Variants in TP53BP1 observed in about 807,000 individuals in gnomAD.
TP53BP1 encodes tumor protein p53 binding protein 1, also known as TP53-binding protein 1.
In TP53BP1, 61 loss-of-function variants were observed where a neutral mutation model predicts 200.8. The ratio of observed to expected loss-of-function variants is 0.30; its 90% confidence interval spans 0.25 to 0.38. The LOEUF (loss-of-function observed/expected upper bound fraction) is 0.38, where lower values mean the gene tolerates loss of function less well. Ranked by LOEUF, TP53BP1 falls within the 10% of genes least tolerant of loss-of-function variation. The pLI is 1.00. For missense variants in TP53BP1, 2,144 were observed against 2,371.9 expected (o/e 0.90, Z 2.00); for synonymous variants, 822 against 844.3 (o/e 0.97, Z 0.46).
chr15:43,504,677 A>T (rs896466772), intron 1 of TP53BP1, among the ~76,000 whole-genome samples: 1 of 152,232 alleles, frequency 6.6e-6, no homozygotes, highest in Non-Finnish European at 1.5e-5. Context: ...AAAATACAAG[A>T]ATGAGAAAAA....
intron 10 of TP53BP1, among the ~76,000 whole-genome samples, chr15:43,472,779 C>A (rs565939916): frequency 6.6e-6 from 1 of 152,118 alleles, no homozygotes; most frequent in South Asian, 2.1e-4. Context: ...TCCTTCAGAG[C>A]CTTTTTAAAA....
intron 19 of TP53BP1, 134 bp from the exon 20 acceptor site, chr15:43,421,308 C>A: frequency 1.2e-6 from 1 of 816,978 alleles, no homozygotes; most frequent in East Asian, 2.6e-5. Flanking sequence ...AGCTGGTTCA[C>A]ACACCCACCA....
rs1479225352 is a variant in TP53BP1, at chr15:43,421,158, T to G, written c.4117A>C (p.Ser1373Arg). The part of the protein sequence containing the change: ...PGKLSPRKGV[S>R]QTGTPVCEED... ...TCACACACTGGCGTCCCTGTCTGAC[T>G]GACCCCTTTTCTAGGACTAGAGAAT... is the stretch of plus-strand genomic sequence containing the variant. Residue 1373 changes from serine (S) to arginine (R), a missense_variant, in exon 20 of 28, where the codon AGT (serine) becomes CGT (arginine). Physicochemically the swap from Ser to Arg is moderately radical, Grantham distance 110 (BLOSUM62 -1). Coordinates refer to ENST00000382044, the MANE Select transcript of TP53BP1 (RefSeq NM_001141980.3). The G allele has an allele frequency of 6.2e-7, 1 of 1,614,104 alleles. No homozygotes were observed.
intron 10 of TP53BP1, among the ~76,000 whole-genome samples, chr15:43,472,125 G>A (rs2046740993): frequency 6.6e-6 from 1 of 152,220 alleles, no homozygotes; most frequent in Admixed American, 6.5e-5. Context: ...AGGCTCTGGA[G>A]GCAGCTGCCT....
At chr15:43,411,436 A>G (rs558977989) in intron 24 of TP53BP1, among the ~76,000 whole-genome samples, 1 of 152,368 alleles carries the variant, frequency 6.6e-6, no homozygotes, top group Admixed American at 6.5e-5. Flanking sequence ...TCATAAGATG[A>G]ATTTAAATAT....
intron 21 of TP53BP1, among the ~76,000 whole-genome samples, chr15:43,418,180 TAAAAA>T (rs757250428): frequency 3.0e-5 from 3 of 100,342 alleles, no homozygotes; most frequent in Admixed American, 2.2e-4. Flanking sequence ...GCTCTGTTTT[TAAAAA>T]AAAAAAAAAA....
At chr15:43,449,709 G>A (rs2046124695) in intron 12 of TP53BP1, among the ~76,000 whole-genome samples, 3 of 152,130 alleles carry the variant, frequency 2.0e-5, no homozygotes, top group African/African-American at 7.2e-5. Context: ...CACACTTTCT[G>A]CAGCCTTCCT....
At chr15:43,463,750 C>A (rs1375645896) in intron 11 of TP53BP1, among the ~76,000 whole-genome samples, 3 of 152,184 alleles carry the variant, frequency 2.0e-5, no homozygotes, top group African/African-American at 7.2e-5. Flanking sequence ...GTTCCAACAC[C>A]CATAATCTCA....
At position 43,407,510 on chromosome 15, in the gene TP53BP1, A is replaced by C. The variant is rs768085656; in HGVS notation, c.5807T>G (p.Leu1936Arg). 4 of 1,614,136 alleles carry C rather than the reference A, an allele frequency of 2.5e-6. No individual in the cohort carries two copies. In the Admixed American group the frequency reaches 6.7e-5, roughly 27 times the overall value. ...CAGCTGCAATGCTTCAGCACACTTC[A>C]GCACCGAGGCTGGGCATGAGGGGTC... is the stretch of plus-strand genomic sequence containing the variant. Reference protein sequence around the residue: ...VTDPSCPASVLKCAEALQLPV... With the variant: ...VTDPSCPASVRKCAEALQLPV... Residue 1936 changes from leucine (L) to arginine (R), a missense_variant, in exon 28 of 28, where the codon CTG becomes CGG. This residue lies in a region of TP53BP1 where 334 missense variants were observed against 453.4 expected (regional missense o/e 0.74). Coordinates refer to ENST00000382044, the MANE Select transcript of TP53BP1 (RefSeq NM_001141980.3).
chr15:43,507,867 A>T (rs1263630103), intron 1 of TP53BP1, among the ~76,000 whole-genome samples: 1 of 151,768 alleles, frequency 6.6e-6, no homozygotes, highest in African/African-American at 2.4e-5. Context: ...GGCACACACC[A>T]CCACACCCGG....
At chr15:43,496,260 A>C (rs1475046918), upstream of TP53BP1, among the ~76,000 whole-genome samples, 2 of 152,208 alleles carry the variant, frequency 1.3e-5, no homozygotes, top group African/African-American at 4.8e-5. Context: ...TTTATTATAG[A>C]ATTTAAAGCC....
chr15:43,492,238 A>T (rs541018406), intron 2 of TP53BP1, 46 bp downstream of exon 2: 4 of 1,002,188 alleles, frequency 4.0e-6, no homozygotes, highest in South Asian at 3.6e-5. Flanking sequence ...TTTTCGGTTT[A>T]AAAAAAAAAA....
intron 4 of TP53BP1, among the ~76,000 whole-genome samples, chr15:43,481,301 C>T (rs2078961259): frequency 6.6e-6 from 1 of 151,922 alleles, no homozygotes; most frequent in African/African-American, 2.4e-5. Context: ...GAATTACTGA[C>T]AAGTGACAAG....
At chr15:43,447,551 A>G in intron 12 of TP53BP1, 66 bp from the exon 13 acceptor site, 1 of 1,297,570 alleles carries the variant, frequency 7.7e-7, no homozygotes, top group Non-Finnish European at 1.0e-6. Flanking sequence ...CAGAAGTATA[A>G]AATAAGCAAA....
At chr15:43,412,166 T>A (rs1195935282) in intron 24 of TP53BP1, among the ~76,000 whole-genome samples, 1 of 152,154 alleles carries the variant, frequency 6.6e-6, no homozygotes, top group Non-Finnish European at 1.5e-5. Context: ...CCCCTGATCA[T>A]CCCTTCCATG....
At chr15:43,418,318 C>T (rs1031525847) in intron 21 of TP53BP1, among the ~76,000 whole-genome samples, 1 of 149,954 alleles carries the variant, frequency 6.7e-6, no homozygotes, top group Non-Finnish European at 1.5e-5. Context: ...GCCAATGTGG[C>T]GAAACCCCAT....
intron 4 of TP53BP1, among the ~76,000 whole-genome samples, chr15:43,490,904 A>G (rs1162000505): frequency 6.6e-6 from 1 of 152,208 alleles, no homozygotes; most frequent in Non-Finnish European, 1.5e-5. Flanking sequence ...CCAATACAGG[A>G]CCTAACACAG....
chr15:43,419,474 C>A (rs2045343536), intron 21 of TP53BP1, among the ~76,000 whole-genome samples: 1 of 151,288 alleles, frequency 6.6e-6, no homozygotes, highest in Non-Finnish European at 1.5e-5. Flanking sequence ...ATCCGCCTGC[C>A]TCATCCTCCT....
intron 24 of TP53BP1, 25 bp downstream of exon 24, chr15:43,413,094 C>A (rs753266790): frequency 6.2e-7 from 1 of 1,610,784 alleles, no homozygotes; most frequent in South Asian, 1.1e-5. Context: ...TGTGTCAGAG[C>A]TCCCAGGGCT....
Sources: gnomAD v4.1 joint callset for allele counts (sites outside exome capture counted in the v4.1 genomes callset) on GRCh38, gnomAD v4.1.1 for gene constraint, gnomAD v4.1.1 regional missense constraint, MANE v1.5 for transcripts, NCBI Gene and HGNC (gene_info 2026-07-23, HGNC 2026-07-21) for gene names.